Variants in C10orf67 observed in about 807,000 individuals in gnomAD.
C10orf67 encodes the protein chromosome 10 open reading frame 67.
Under a neutral mutation model 35.6 loss-of-function variants are expected in C10orf67, and 60 were observed. The observed-to-expected ratio is 1.68, with a 90% CI of 1.37 to 2.09. The LOEUF (loss-of-function observed/expected upper bound fraction) is 2.09. Among genes scored for constraint, C10orf67 ranks in the 30% most tolerant of loss-of-function variants. The pLI is 0.00. For synonymous variants in C10orf67, 167 were observed against 115.8 expected (o/e 1.44, Z -2.84); for missense variants, 474 against 330.2 (o/e 1.44, Z -3.38).
chr10:23,228,777 T>C (rs1841820066), intron 13 of C10orf67, among the ~76,000 whole-genome samples: 1 of 152,108 alleles, frequency 6.6e-6, no homozygotes, highest in Admixed American at 6.5e-5. Flanking sequence ...GGGTGAAGGA[T>C]ATGAACAGAC....
At chr10:23,324,541 C>G (rs1422879717) in intron 2 of C10orf67, among the ~76,000 whole-genome samples, 1 of 152,188 alleles carries the variant, frequency 6.6e-6, no homozygotes, top group African/African-American at 2.4e-5. Context: ...GCCATTCTAT[C>G]TTCTCATCAC....
chr10:23,232,639 G>T (rs1841942428), intron 13 of C10orf67, among the ~76,000 whole-genome samples: 1 of 152,142 alleles, frequency 6.6e-6, no homozygotes, highest in Admixed American at 6.5e-5. Flanking sequence ...GAGGACCAAG[G>T]AGAATCAATA....
chr10:23,317,963 G>A (rs1844792621), intron 4 of C10orf67: 1 of 151,404 alleles, frequency 6.6e-6, no homozygotes, highest in Admixed American at 6.6e-5. Context: ...TTAACTGGGT[G>A]TGCTGGTACA....
chr10:23,225,815 G>A (rs1841722362), intron 13 of C10orf67, among the ~76,000 whole-genome samples: 1 of 152,150 alleles, frequency 6.6e-6, no homozygotes, highest in Non-Finnish European at 1.5e-5. Flanking sequence ...AACGAGAAGA[G>A]CTAGCTATCC....
chr10:23,301,802 A>G (rs1844086150), intron 5 of C10orf67, among the ~76,000 whole-genome samples: 1 of 152,230 alleles, frequency 6.6e-6, no homozygotes, highest in Non-Finnish European at 1.5e-5. Flanking sequence ...TTATAGCTCT[A>G]TTAGAAGCCA....
chr10:23,322,438 T>C lies in C10orf67; in HGVS notation c.427A>G (p.Ile143Val), dbSNP rs1588693972. 1 of 1,609,768 alleles carries C rather than the reference T, an allele frequency of 6.2e-7. No homozygotes were observed. Among genetic ancestry groups the C allele is most frequent in the East Asian group, 2.2e-5 (1 of 44,862 alleles). ...ATTTCTAGGATCCTGTCATGCAGAATGGTGAAGAGACTCAAAGATTCCTCT... is the reference window on the plus strand; with the variant it reads ...ATTTCTAGGATCCTGTCATGCAGAACGGTGAAGAGACTCAAAGATTCCTCT... Reference protein sequence around the residue: ...LKEESLSLFTILHDRILEIEK... With the variant: ...LKEESLSLFTVLHDRILEIEK... Residue 143 changes from isoleucine (I) to valine (V), a missense_variant, in exon 3 of 16, where the codon ATT (isoleucine) becomes GTT (valine). Physicochemically the swap from Ile to Val is conservative, Grantham distance 29. Transcript: ENST00000636213.
At chr10:23,333,486 T>G (rs1177137906) in intron 1 of C10orf67, among the ~76,000 whole-genome samples, 3 of 152,234 alleles carry the variant, frequency 2.0e-5, no homozygotes, top group Non-Finnish European at 4.4e-5. Flanking sequence ...GTGCTACTGC[T>G]GGAAATAATT....
At chr10:23,305,287 T>C (rs745769688) in intron 4 of C10orf67, among the ~76,000 whole-genome samples, 28 of 152,208 alleles carry the variant, frequency 1.8e-4, no homozygotes, top group Non-Finnish European at 3.5e-4. Context: ...AGAACACAGA[T>C]ATGCAGTTGA....
intron 15 of C10orf67, among the ~76,000 whole-genome samples, chr10:23,220,396 G>A (rs1206858772): frequency 6.6e-6 from 1 of 152,082 alleles, no homozygotes; most frequent in Non-Finnish European, 1.5e-5. Flanking sequence ...GGGTTGCCGT[G>A]TCTGTTTTAC....
intron 15 of C10orf67, among the ~76,000 whole-genome samples, chr10:23,219,524 C>A (rs1330807356): frequency 6.6e-6 from 1 of 152,172 alleles, no homozygotes; most frequent in Non-Finnish European, 1.5e-5. Context: ...ATAATGTTAC[C>A]TGTGCTCTCT....
At chr10:23,301,555 C>G (rs1365824317) in intron 5 of C10orf67, among the ~76,000 whole-genome samples, 1 of 152,226 alleles carries the variant, frequency 6.6e-6, no homozygotes, top group African/African-American at 2.4e-5. Flanking sequence ...GCACCCAGAG[C>G]TCCCAAGATG....
chr10:23,340,905 T>C (rs978697407), intron 1 of C10orf67, among the ~76,000 whole-genome samples: 6 of 152,236 alleles, frequency 3.9e-5, no homozygotes, highest in Non-Finnish European at 8.8e-5. Context: ...AACAGACCTA[T>C]GAATATGTAT....
chr10:23,234,433 A>C (rs952240329), intron 13 of C10orf67, among the ~76,000 whole-genome samples: 3 of 152,196 alleles, frequency 2.0e-5, no homozygotes, highest in Non-Finnish European at 4.4e-5. Context: ...ACAGAAAACC[A>C]AATACTGCAT....
intron 4 of C10orf67, among the ~76,000 whole-genome samples, chr10:23,314,483 A>AACACACACACAC (rs56043614): frequency 2.9e-4 from 40 of 135,834 alleles, no homozygotes; most frequent in African/African-American, 1.1e-3. Context: ...ATTAAGTTAA[A>AACACACACACAC]ACACACACAC....
At chr10:23,315,784 A>G (rs554164570) in intron 4 of C10orf67, among the ~76,000 whole-genome samples, 2 of 152,124 alleles carry the variant, frequency 1.3e-5, no homozygotes, top group Admixed American at 1.3e-4. Context: ...CTCATTATAA[A>G]CAAGAATAAT....
rs111284523 is a variant in C10orf67, at chr10:23,315,820, C to CT, written c.546+4920dup. ...ACCGGATAAGATAGATTAAATGCAT[C>CT]TTTTTTTTTTCTTTTAGAGACAGGG... On this transcript the variant is annotated intron_variant, in intron 4 of 15. Transcript: ENST00000636213. Among the ~76,000 whole-genome samples, 322 of 149,022 alleles carry CT rather than the reference C, an allele frequency of 2.2e-3. 1 individual carries two copies. The highest frequency in any genetic ancestry group is 5.4e-3 in the African/African-American group (219 of 40,660).
chr10:23,287,998 G>C (rs905753613), intron 7 of C10orf67, among the ~76,000 whole-genome samples: 1 of 151,992 alleles, frequency 6.6e-6, no homozygotes, highest in Non-Finnish European at 1.5e-5. Flanking sequence ...CAGAGAAATA[G>C]GAACACTTTT....
At chr10:23,226,627 T>C (rs1329332251) in intron 13 of C10orf67, among the ~76,000 whole-genome samples, 2 of 151,908 alleles carry the variant, frequency 1.3e-5, no homozygotes, top group Admixed American at 1.3e-4. Context: ...CAAAAAACCC[T>C]TCAAAAAATC....
chr10:23,219,517 A>C (rs1403269099), intron 15 of C10orf67, among the ~76,000 whole-genome samples: 1 of 152,192 alleles, frequency 6.6e-6, no homozygotes, highest in Non-Finnish European at 1.5e-5. Flanking sequence ...CAAATTAATA[A>C]TGTTACCTGT....
Sources: allele counts gnomAD v4.1 joint callset (sites outside exome capture counted in the v4.1 genomes callset), GRCh38; gene constraint gnomAD v4.1.1; transcripts MANE v1.5; gene names NCBI Gene and HGNC (gene_info 2026-07-23, HGNC 2026-07-21).